The following FARP1 variants were observed in gnomAD, a reference collection of about 807,000 sequenced individuals.
The protein encoded by FARP1 is FERM, ARH/RhoGEF and pleckstrin domain protein 1.
Under a neutral mutation model 128.8 loss-of-function variants are expected in FARP1, and 52 were observed. The observed-to-expected ratio is 0.40, with a 90% CI of 0.32 to 0.51. The LOEUF (loss-of-function observed/expected upper bound fraction) is 0.51. Among genes scored for constraint, FARP1 ranks in the 20% least tolerant of loss-of-function variants. The pLI is 0.45. For missense variants in FARP1, 1,333 were observed against 1,367.9 expected (o/e 0.97, Z 0.40); for synonymous variants, 580 against 551.8 (o/e 1.05, Z -0.72).
At chr13:98,360,221 G>C (rs188268826) in intron 3 of FARP1, among the ~76,000 whole-genome samples, 1 of 149,424 alleles carries the variant, frequency 6.7e-6, no homozygotes, top group African/African-American at 2.5e-5. Flanking sequence ...TCAGCCTCCC[G>C]AGTAGCTGGG....
At chr13:98,378,596 T>TC (rs1387898940) in intron 6 of FARP1, among the ~76,000 whole-genome samples, 1 of 152,132 alleles carries the variant, frequency 6.6e-6, no homozygotes, top group East Asian at 1.9e-4. Flanking sequence ...TGTGCTATCA[T>TC]ATCACCTTTT....
chr13:98,444,113 G>C (rs969059922), intron 24 of FARP1, among the ~76,000 whole-genome samples: 1 of 96,666 alleles, frequency 1.0e-5, no homozygotes, highest in African/African-American at 4.2e-5. Context: ...CTTCTTCTCG[G>C]GGGGTCCCCG....
intron 11 of FARP1, 60 bp downstream of exon 11, chr13:98,390,940 T>C (rs548782370): frequency 1.8e-6 from 2 of 1,132,576 alleles, no homozygotes; most frequent in African/African-American, 3.1e-5. Flanking sequence ...CAGGTAACAG[T>C]TTGTTGCTGC....
chr13:98,315,094 C>T (rs1886664131), intron 2 of FARP1, among the ~76,000 whole-genome samples: 1 of 151,694 alleles, frequency 6.6e-6, no homozygotes, highest in Admixed American at 6.6e-5. Flanking sequence ...GATGGTTACA[C>T]AATAACAATC....
intron 3 of FARP1, among the ~76,000 whole-genome samples, chr13:98,349,937 A>G (rs1175647875): frequency 6.6e-6 from 1 of 152,000 alleles, no homozygotes; most frequent in African/African-American, 2.4e-5. Context: ...AGTCAGACAC[A>G]CCTCCTTCAT....
At chr13:98,419,317 T>C (rs191518274) in intron 16 of FARP1, among the ~76,000 whole-genome samples, 57 of 151,928 alleles carry the variant, frequency 3.8e-4, no homozygotes, top group South Asian at 1.2e-3. Context: ...CTACTAAAAA[T>C]AGAAAAATTA....
chr13:98,447,883 C>T (rs1348465534), intron 26 of FARP1: 4 of 258,124 alleles, frequency 1.5e-5, no homozygotes, highest in Non-Finnish European at 3.0e-5. Flanking sequence ...GGAGAGCTTC[C>T]ACTAAGCAGG....
intron 2 of FARP1, among the ~76,000 whole-genome samples, chr13:98,263,068 G>A (rs976084495): frequency 2.6e-5 from 4 of 152,132 alleles, no homozygotes; most frequent in Admixed American, 6.5e-5. Context: ...GAGTGCCGTC[G>A]CGCAATCTCG....
intron 1 of FARP1, among the ~76,000 whole-genome samples, chr13:98,185,559 C>T (rs1878804555): frequency 2.0e-5 from 3 of 151,942 alleles, no homozygotes. Flanking sequence ...TGGGATGCTA[C>T]CTTTCTTGAT....
intron 3 of FARP1, among the ~76,000 whole-genome samples, chr13:98,349,900 T>TTGCTGGAGGTTTCTAGACCC (rs1888343902): frequency 6.6e-6 from 1 of 152,076 alleles, no homozygotes; most frequent in East Asian, 1.9e-4. Flanking sequence ...CGGGCATCCC[T>TTGCTGGAGGTTTCTAGACCC]TGCTGGAGGT....
chr13:98,444,867 CCGCATG>C (rs1892724899), intron 24 of FARP1, among the ~76,000 whole-genome samples: 2 of 152,210 alleles, frequency 1.3e-5, no homozygotes, highest in South Asian at 4.1e-4. Flanking sequence ...ACCCAAGATG[CCGCATG>C]GGCATCAGCC....
At chr13:98,400,208 C>T (rs1298911115) in intron 13 of FARP1, 2 of 152,162 alleles carry the variant, frequency 1.3e-5, no homozygotes, top group African/African-American at 2.4e-5. Context: ...AAACATAGCA[C>T]GAGCCTCTCA....
intron 16 of FARP1, among the ~76,000 whole-genome samples, chr13:98,423,145 G>A (rs943983909): frequency 4.6e-5 from 7 of 152,128 alleles, no homozygotes; most frequent in African/African-American, 1.2e-4. Flanking sequence ...TTCTGGCCAC[G>A]CTGGCAGCCG....
intron 2 of FARP1, among the ~76,000 whole-genome samples, chr13:98,253,266 T>G (rs147693141): frequency 6.6e-6 from 1 of 152,326 alleles, no homozygotes; most frequent in African/African-American, 2.4e-5. Flanking sequence ...GCCTTTTATT[T>G]CTCTTAACCC....
chr13:98,215,220 C>G (rs1037191739), intron 2 of FARP1, among the ~76,000 whole-genome samples: 2 of 152,150 alleles, frequency 1.3e-5, no homozygotes, highest in African/African-American at 4.8e-5. Flanking sequence ...AATGATTTTT[C>G]TTCATAATTT....
At chr13:98,174,429 A>G (rs1207451670) in intron 1 of FARP1, among the ~76,000 whole-genome samples, 1 of 152,180 alleles carries the variant, frequency 6.6e-6, no homozygotes, top group African/African-American at 2.4e-5. Context: ...CAGAGCTTAG[A>G]GTTTCTGCTT....
At chr13:98,373,950 T>C (rs1384055594) in intron 5 of FARP1, among the ~76,000 whole-genome samples, 3 of 152,234 alleles carry the variant, frequency 2.0e-5, no homozygotes, top group African/African-American at 7.2e-5. Context: ...AAAGTTAGAA[T>C]AGACAAATGA....
chr13:98,243,559 G>A (rs773004672), intron 2 of FARP1, among the ~76,000 whole-genome samples: 3 of 151,772 alleles, frequency 2.0e-5, no homozygotes, highest in Admixed American at 1.3e-4. Context: ...TTAGCCGGGC[G>A]TGGTGGTGGG....
intron 2 of FARP1, among the ~76,000 whole-genome samples, chr13:98,223,043 A>T (rs1881520056): frequency 6.6e-6 from 1 of 152,126 alleles, no homozygotes; most frequent in Non-Finnish European, 1.5e-5. Flanking sequence ...GTAGTTACTG[A>T]TAAGGGCCAG....
Sources: gnomAD v4.1 joint callset for allele counts (sites outside exome capture counted in the v4.1 genomes callset) on GRCh38, gnomAD v4.1.1 for gene constraint, MANE v1.5 for transcripts, NCBI Gene and HGNC (gene_info 2026-07-23, HGNC 2026-07-21) for gene names.